CNBD2: variants seen among roughly 807,000 people sequenced by gnomAD.
CNBD2 encodes the protein cyclic nucleotide binding domain containing 2, also known as cyclic nucleotide-binding domain-containing protein 2.
In CNBD2, 64 loss-of-function variants were observed where a neutral mutation model predicts 63.7. The ratio of observed to expected loss-of-function variants is 1.00; its 90% CI spans 0.82 to 1.24. The LOEUF (loss-of-function observed/expected upper bound fraction) is 1.24. Among genes scored for constraint, CNBD2 ranks in the 50% most tolerant of loss-of-function variants. CNBD2 has a pLI of 0.00. For missense variants in CNBD2, 691 were observed against 713.5 expected (o/e 0.97, Z 0.36); for synonymous variants, 229 against 255.4 (o/e 0.90, Z 0.99).
intron 11 of CNBD2, among the ~76,000 whole-genome samples, chr20:36,028,043 A>C (rs994371587): frequency 6.6e-6 from 1 of 152,208 alleles, no homozygotes; most frequent in Non-Finnish European, 1.5e-5. Flanking sequence ...TGAGAAAAAC[A>C]AGCTGAAAAA....
chr20:35,965,358 A>G (rs1336409338), upstream of CNBD2, among the ~76,000 whole-genome samples: 1 of 151,976 alleles, frequency 6.6e-6, no homozygotes, highest in Non-Finnish European at 1.5e-5. Context: ...TTGTATTTTT[A>G]GTAGATACTG....
chr20:36,010,501 T>A (rs1263271307), intron 9 of CNBD2, among the ~76,000 whole-genome samples: 1 of 150,394 alleles, frequency 6.6e-6, no homozygotes, highest in Non-Finnish European at 1.5e-5. Flanking sequence ...CTGGGCGCAG[T>A]GGCTTACGCC....
In CNBD2 at chr20:35,980,590, G is replaced by T; in HGVS notation, c.375G>T (p.Gln125His). The part of the protein sequence containing the change: ...DSYRNYAEPL[Q>H]LLLAKVMRFE... Reference sequence around the variant, plus strand: ...ATCGGAACTACGCAGAGCCCCTGCAGCTGCTCCTGGCCAAAGTCATGCGCT... The same window carrying T: ...ATCGGAACTACGCAGAGCCCCTGCATCTGCTCCTGGCCAAAGTCATGCGCT... The change falls in exon 4 of 12, where the codon CAG becomes CAT. Residue 125 changes from glutamine (Q) to histidine (H), a missense_variant. Gln to His is a conservative substitution (Grantham distance 24, BLOSUM62 0). Coordinates refer to ENST00000373973, the MANE Select transcript of CNBD2 (RefSeq NM_001365709.1). 2 of 1,613,790 alleles carry T rather than the reference G, an allele frequency of 1.2e-6. No individual in the cohort carries two copies. Among genetic ancestry groups the T allele is most frequent in the Non-Finnish European group, 1.7e-6 (2 of 1,180,044 alleles).
chr20:35,958,052 T>C (rs1004998559), downstream of CNBD2, among the ~76,000 whole-genome samples: 1 of 152,222 alleles, frequency 6.6e-6, no homozygotes, highest in African/African-American at 2.4e-5. Flanking sequence ...TTGATGGCAC[T>C]TGGTTGTTGA....
At chr20:36,017,514 TA>T (rs2057151644) in intron 10 of CNBD2, among the ~76,000 whole-genome samples, 1 of 152,176 alleles carries the variant, frequency 6.6e-6, no homozygotes, top group Non-Finnish European at 1.5e-5. Flanking sequence ...CAATGCTGAT[TA>T]TTTTTTAGCT....
chr20:36,028,116 T>C (rs905735883), intron 11 of CNBD2, among the ~76,000 whole-genome samples: 1 of 152,118 alleles, frequency 6.6e-6, no homozygotes, highest in African/African-American at 2.4e-5. Flanking sequence ...ATTACCAATA[T>C]AGGAAATGGC....
chr20:35,997,935 T>C (rs1197388421), intron 8 of CNBD2, among the ~76,000 whole-genome samples: 1 of 152,228 alleles, frequency 6.6e-6, no homozygotes, highest in Non-Finnish European at 1.5e-5. Flanking sequence ...AATTTCTCTT[T>C]TGATTTCTTC....
chr20:36,016,680 T>A (rs752964810), intron 10 of CNBD2, among the ~76,000 whole-genome samples: 4 of 151,238 alleles, frequency 2.6e-5, no homozygotes, highest in Non-Finnish European at 5.9e-5. Flanking sequence ...CCCCAGGTAC[T>A]CGGGAAGCTG....
intron 5 of CNBD2, 84 bp from the exon 6 acceptor site, chr20:35,984,543 A>G: frequency 1.4e-6 from 2 of 1,432,064 alleles, no homozygotes; most frequent in Non-Finnish European, 1.9e-6. Context: ...CAGGGGGAAG[A>G]TGGAGGCACG....
At chr20:36,003,274 G>A (rs2056941314) in intron 8 of CNBD2, among the ~76,000 whole-genome samples, 1 of 151,778 alleles carries the variant, frequency 6.6e-6, no homozygotes, top group Admixed American at 6.6e-5. Context: ...TCAATCCATT[G>A]TTTCCTTTTC....
At chr20:35,981,493 T>C (rs986218264) in intron 4 of CNBD2, among the ~76,000 whole-genome samples, 5 of 152,162 alleles carry the variant, frequency 3.3e-5, no homozygotes, top group Admixed American at 2.6e-4. Flanking sequence ...TGGAGTGCAG[T>C]GGTGTGATCA....
intron 7 of CNBD2, among the ~76,000 whole-genome samples, chr20:35,990,055 C>G (rs1486707252): frequency 6.6e-6 from 1 of 152,158 alleles, no homozygotes; most frequent in Admixed American, 6.5e-5. Flanking sequence ...CTTCAGGTTA[C>G]GTCTATTGTG....
chr20:36,027,908 C>A (rs912998156), intron 11 of CNBD2, among the ~76,000 whole-genome samples: 3 of 152,058 alleles, frequency 2.0e-5, no homozygotes, highest in Non-Finnish European at 4.4e-5. Flanking sequence ...TGAGGTGATC[C>A]GCCCACCTCG....
Position 35,984,026 on chromosome 20 carries a change from A to G in CNBD2, c.452A>G (p.Asn151Ser). 1.9e-6 allele frequency: 3 copies of G among 1,614,218 alleles called. No homozygotes were observed. The highest frequency in any genetic ancestry group is 2.5e-6 in the Non-Finnish European group (3 of 1,180,038). ...RVIIKKGQKG[N>S]SFYFIYLGTV... ...ATCATCAAGAAGGGGCAGAAGGGCA[A>G]CAGCTTTTATTTCATCTACCTGGGC... Residue 151 changes from asparagine (N) to serine (S), a missense_variant, in exon 5 of 12, where the codon AAC (asparagine) becomes AGC (serine). Physicochemically the swap from Asn to Ser is conservative, Grantham distance 46 (BLOSUM62 1). Transcript: ENST00000373973.
At chr20:36,003,503 G>A (rs937567371) in intron 8 of CNBD2, among the ~76,000 whole-genome samples, 2 of 152,052 alleles carry the variant, frequency 1.3e-5, no homozygotes, top group Admixed American at 1.3e-4. Context: ...TTTCCCATTC[G>A]TGAAGTAAAA....
chr20:36,001,796 A>G (rs1336459030), intron 8 of CNBD2, among the ~76,000 whole-genome samples: 10 of 139,778 alleles, frequency 7.2e-5, no homozygotes, highest in African/African-American at 2.8e-4. Flanking sequence ...ATCTCAGACG[A>G]TGGGCGGCCG....
At chr20:35,976,469 A>G (rs543007559) in intron 3 of CNBD2, among the ~76,000 whole-genome samples, 1 of 152,328 alleles carries the variant, frequency 6.6e-6, no homozygotes, top group Non-Finnish European at 1.5e-5. Context: ...GGTGCAGCGC[A>G]GCTGTTGACA....
intron 6 of CNBD2, among the ~76,000 whole-genome samples, chr20:35,986,349 T>C (rs2056667100): frequency 6.6e-6 from 1 of 151,692 alleles, no homozygotes; most frequent in Non-Finnish European, 1.5e-5. Flanking sequence ...TTCCATACTG[T>C]GGAAAAATAG....
At chr20:36,027,206 A>C (rs1056276957) in intron 11 of CNBD2, among the ~76,000 whole-genome samples, 3 of 152,230 alleles carry the variant, frequency 2.0e-5, no homozygotes, top group East Asian at 3.9e-4. Flanking sequence ...CATTTTCTTT[A>C]CTTGCGGTGA....
Sources: gnomAD v4.1 joint callset for allele counts (sites outside exome capture counted in the v4.1 genomes callset) on GRCh38, gnomAD v4.1.1 for gene constraint, MANE v1.5 for transcripts, NCBI Gene and HGNC (gene_info 2026-07-23, HGNC 2026-07-21) for gene names.